SPMIP8: variants seen among roughly 807,000 people sequenced by gnomAD.
SPMIP8 encodes sperm microtubule inner protein 8.
At chr16:57,981,591 A>T in the SPMIP8 span, among the ~76,000 whole-genome samples, 1 of 131,254 alleles carries the variant, frequency 7.6e-6, no homozygotes, top group African/African-American at 2.9e-5. Flanking sequence ...GGCTCACTGC[A>T]ACTTCCGCCT....
At chr16:57,981,392 A>AATAATTATTATTATT in the SPMIP8 span, among the ~76,000 whole-genome samples, 1 of 83,584 alleles carries the variant, frequency 1.2e-5, no homozygotes, top group East Asian at 3.1e-4. Flanking sequence ...TAATAATAAT[A>AATAATTATTATTATT]ATTATTATTA....
At chr16:57,980,736 C>G in the SPMIP8 span, among the ~76,000 whole-genome samples, 2 of 152,116 alleles carry the variant, frequency 1.3e-5, no homozygotes, top group African/African-American at 4.8e-5. Flanking sequence ...TCTCCATCAC[C>G]CAGGCTAGAG....
At chr16:57,980,531 TAG>T in the SPMIP8 span, among the ~76,000 whole-genome samples, 1 of 152,210 alleles carries the variant, frequency 6.6e-6, no homozygotes, top group East Asian at 1.9e-4. Context: ...ATCAAAGGCA[TAG>T]CTGTGGCTGG....
the SPMIP8 span, chr16:57,984,593 T>C: frequency 6.6e-7 from 1 of 1,511,552 alleles, no homozygotes. Flanking sequence ...CCTAGGCTCC[T>C]GCGGCTACGG....
the SPMIP8 span, chr16:57,984,953 G>A: frequency 8.0e-7 from 1 of 1,247,996 alleles, no homozygotes; most frequent in South Asian, 1.6e-5. Flanking sequence ...TGGCACTTGC[G>A]GTGGGTGGAG....
At chr16:57,987,362 G>A in the SPMIP8 span, 1 of 1,516,354 alleles carries the variant, frequency 6.6e-7, no homozygotes, top group Non-Finnish European at 8.8e-7. Context: ...GGACACCCTG[G>A]AAACCCCCAC....
chr16:57,980,875 GT>G, the SPMIP8 span, among the ~76,000 whole-genome samples: 1 of 152,028 alleles, frequency 6.6e-6, no homozygotes, highest in Non-Finnish European at 1.5e-5. Context: ...TGTTGCTGTT[GT>G]TGTTGTTTGT....
chr16:57,985,388 C>A, the SPMIP8 span: 1 of 1,605,696 alleles, frequency 6.2e-7, no homozygotes, highest in Admixed American at 1.7e-5. Context: ...GTCTTCAGGA[C>A]CACGGTCTCT....
At chr16:57,984,303 A>G in the SPMIP8 span, 3 of 1,614,202 alleles carry the variant, frequency 1.9e-6, no homozygotes, top group Non-Finnish European at 2.5e-6. Flanking sequence ...GTTTCAACAG[A>G]TGAATTTGAC....
chr16:57,987,137 T>C, the SPMIP8 span: 4 of 411,036 alleles, frequency 9.7e-6, no homozygotes, highest in Non-Finnish European at 1.7e-5. Context: ...GTAGGTTCAC[T>C]AAATGATTGA....
At chr16:57,988,099 A>G in the SPMIP8 span, 2 of 152,370 alleles carry the variant, frequency 1.3e-5, no homozygotes, top group African/African-American at 4.8e-5. Flanking sequence ...ACCAATAAAC[A>G]TGTCATTTAA....
chr16:57,985,186 G>GA, the SPMIP8 span: 1 of 1,505,984 alleles, frequency 6.6e-7, no homozygotes, highest in Non-Finnish European at 8.8e-7. Flanking sequence ...GAGCGCTCGA[G>GA]AGGGGCTTTC....
the SPMIP8 span, among the ~76,000 whole-genome samples, chr16:57,977,307 G>A: frequency 1.3e-5 from 2 of 151,148 alleles, no homozygotes; most frequent in Non-Finnish European, 2.9e-5. Flanking sequence ...TTCCTCAGGA[G>A]GCTGAGGCAG....
At chr16:57,981,386 A>AATAATTATTATTATTATTATT in the SPMIP8 span, among the ~76,000 whole-genome samples, 2 of 52,900 alleles carry the variant, frequency 3.8e-5, no homozygotes, top group South Asian at 6.1e-4. Context: ...TCTCAATAAT[A>AATAATTATTATTATTATTATT]ATAATAATTA....
the SPMIP8 span, chr16:57,987,485 C>G: frequency 6.5e-7 from 1 of 1,547,006 alleles, no homozygotes; most frequent in Non-Finnish European, 8.7e-7. Flanking sequence ...GGTCCCCTGG[C>G]CAGACAGAGG....
At chr16:57,985,988 C>T in the SPMIP8 span, 1 of 1,571,848 alleles carries the variant, frequency 6.4e-7, no homozygotes, top group Non-Finnish European at 8.6e-7. Context: ...ACGTTCTCAT[C>T]CGACTGCTGG....
At chr16:57,979,257 G>A in the SPMIP8 span, among the ~76,000 whole-genome samples, 2 of 152,232 alleles carry the variant, frequency 1.3e-5, no homozygotes, top group Non-Finnish European at 2.9e-5. Flanking sequence ...TTGGGTGACA[G>A]GTGGGCTGAG....
At chr16:57,977,407 CAAAAAAA>C in the SPMIP8 span, among the ~76,000 whole-genome samples, 1 of 99,832 alleles carries the variant, frequency 1.0e-5, no homozygotes, top group Non-Finnish European at 2.0e-5. Flanking sequence ...GAGACTGTCT[CAAAAAAA>C]AAAAAAAAAA....
chr16:57,984,902 G>C, the SPMIP8 span: 47 of 1,451,966 alleles, frequency 3.2e-5, 1 homozygote, highest in Non-Finnish European at 4.0e-5. Flanking sequence ...CGCAGGCGGC[G>C]GGCCAGGCAG....
Sources: allele counts gnomAD v4.1 joint callset (sites outside exome capture counted in the v4.1 genomes callset), GRCh38; gene constraint gnomAD v4.1.1; transcripts MANE v1.5; gene names NCBI Gene and HGNC (gene_info 2026-07-23, HGNC 2026-07-21).